ADGRL3: variants seen among roughly 807,000 people sequenced by gnomAD.
The protein encoded by ADGRL3 is adhesion G protein-coupled receptor L3.
In ADGRL3, 62 loss-of-function variants were observed where a neutral mutation model predicts 153.5. The ratio of observed to expected loss-of-function variants is 0.40; its 90% CI spans 0.33 to 0.50. The LOEUF is 0.50. Ranked by LOEUF, ADGRL3 falls within the 20% of genes least tolerant of loss-of-function variation. The pLI, the probability that ADGRL3 is intolerant of heterozygous loss-of-function variation, is 0.47. For synonymous variants in ADGRL3, 710 were observed against 672.5 expected, an observed-to-expected ratio of 1.06 and a Z score of -0.86; for missense variants, 1,641 against 1,859.4, an observed-to-expected ratio of 0.88 and a Z score of 2.16.
At chr4:61,291,581 TACATATATATATATATATATATACACAC>T (rs1172097783) in intron 1 of ADGRL3, among the ~76,000 whole-genome samples, 7 of 46,896 alleles carry the variant, frequency 1.5e-4, no homozygotes, top group African/African-American at 4.3e-4. Context: ...TATATATATA[TACATATATATATATATATATATACACAC>T]ACATATATAT....
Position 61,781,331 on chromosome 4 carries a change from C to CAAAAAAAAAAAAAAAA in ADGRL3, c.1400-32477_1400-32462dup, listed in dbSNP as rs71281828. On this transcript the variant is annotated intron_variant, in intron 8 of 26. Coordinates refer to ENST00000683033, the MANE Select transcript of ADGRL3 (RefSeq NM_001387552.1). ...GGCAAAAAGAGCAAAATTCTGCCTC[C>CAAAAAAAAAAAAAAAA]AAAAAAAAAAAAAAAAGAAAAGAAA... Among the ~76,000 whole-genome samples the CAAAAAAAAAAAAAAAA allele has an allele frequency of 5.0e-4, 32 of 64,296 alleles. 1 individual carries two copies. Among genetic ancestry groups the CAAAAAAAAAAAAAAAA allele is most frequent in the African/African-American group, 1.7e-3 (25 of 15,012 alleles). 42.2% of individuals were successfully genotyped at this position (64,296 alleles called of 152,430 possible). A position where few individuals can be genotyped will look rare whatever the true frequency, so the allele number is the denominator to read the frequency against.
intron 9 of ADGRL3, among the ~76,000 whole-genome samples, chr4:61,841,587 C>T (rs995469210): frequency 6.6e-6 from 1 of 152,080 alleles, no homozygotes; most frequent in Admixed American, 6.5e-5. Flanking sequence ...ATATTTCATA[C>T]CTGAGGACAA....
intron 8 of ADGRL3, among the ~76,000 whole-genome samples, chr4:61,736,462 C>G (rs986205368): frequency 6.6e-6 from 1 of 151,996 alleles, no homozygotes; most frequent in Non-Finnish European, 1.5e-5. Flanking sequence ...AAAAACCTAG[C>G]CTGGCCAACA....
chr4:61,495,496 G>GAAGGGA (rs1381890980), intron 2 of ADGRL3, among the ~76,000 whole-genome samples: 6 of 150,222 alleles, frequency 4.0e-5, no homozygotes, highest in Non-Finnish European at 7.4e-5. Flanking sequence ...GAAGGAAGGG[G>GAAGGGA]AAGGGAAGGG....
chr4:61,671,966 A>G (rs2095022854), intron 5 of ADGRL3, among the ~76,000 whole-genome samples: 1 of 152,132 alleles, frequency 6.6e-6, no homozygotes, highest in African/African-American at 2.4e-5. Context: ...GAAAGAAGTG[A>G]CAAATAGGTT....
intron 21 of ADGRL3, among the ~76,000 whole-genome samples, chr4:62,018,421 T>C (rs533096703): frequency 6.6e-6 from 1 of 152,170 alleles, no homozygotes; most frequent in East Asian, 1.9e-4. Context: ...TCAGTTTCAT[T>C]GAAGTAGATA....
chr4:61,867,515 CATATATATATAT>C (rs3065826), intron 9 of ADGRL3, among the ~76,000 whole-genome samples: 7 of 81,140 alleles, frequency 8.6e-5, no homozygotes, highest in African/African-American at 1.2e-4. Flanking sequence ...AATATATATG[CATATATATATAT>C]ATATATATAT....
At chr4:61,750,480 G>C (rs953292027) in intron 8 of ADGRL3, among the ~76,000 whole-genome samples, 4 of 152,174 alleles carry the variant, frequency 2.6e-5, no homozygotes, top group African/African-American at 7.2e-5. Flanking sequence ...GTAAGGAAAA[G>C]CAGGATGGAC....
intron 2 of ADGRL3, among the ~76,000 whole-genome samples, chr4:61,419,831 G>C (rs528565542): frequency 1.4e-5 from 2 of 145,164 alleles, no homozygotes; most frequent in South Asian, 4.3e-4. Context: ...TTTTGCTCTC[G>C]TCACCTAGGC....
chr4:61,847,617 A>AT (rs2098133803), intron 9 of ADGRL3, among the ~76,000 whole-genome samples: 1 of 65,420 alleles, frequency 1.5e-5, no homozygotes, highest in South Asian at 3.9e-4. Flanking sequence ...TATATTATAT[A>AT]TATAATATAA....
chr4:61,758,601 A>G (rs1167609811), intron 8 of ADGRL3, among the ~76,000 whole-genome samples: 3 of 152,178 alleles, frequency 2.0e-5, no homozygotes, highest in South Asian at 2.1e-4. Flanking sequence ...TTTCCTGAAT[A>G]CAGCACACTG....
intron 9 of ADGRL3, among the ~76,000 whole-genome samples, chr4:61,852,866 G>C (rs2098223582): frequency 6.6e-6 from 1 of 151,682 alleles, no homozygotes; most frequent in Non-Finnish European, 1.5e-5. Context: ...ACATGCAGCT[G>C]TGTTTAGAGC....
At position 61,909,587 on chromosome 4, in the gene ADGRL3, A is replaced by G; in HGVS notation, c.1915A>G (p.Ile639Val). The change falls in exon 12 of 27, where the codon ATT becomes GTT. Residue 639 changes from isoleucine (I) to valine (V), a missense_variant. By Grantham distance (29) the Ile-to-Val change is conservative. Coordinates refer to ENST00000683033, the MANE Select transcript of ADGRL3 (RefSeq NM_001387552.1). ...GAAATCTGGTGAAACAGCTGCCAAC[A>G]TTGCTAGAGAGCTGGCTGAACAGAC... ...KLKSGETAAN[I>V]ARELAEQTRN... The G allele has an allele frequency of 6.2e-7, 1 of 1,613,272 alleles. No homozygotes were observed. The highest frequency in any genetic ancestry group is 1.3e-5 in the African/African-American group (1 of 75,028).
intron 5 of ADGRL3, among the ~76,000 whole-genome samples, chr4:61,653,763 A>G (rs2094351238): frequency 6.6e-6 from 1 of 152,168 alleles, no homozygotes; most frequent in Admixed American, 6.5e-5. Flanking sequence ...CCAGATTTGG[A>G]TATCATTCAC....
chr4:61,408,733 T>A (rs537480890), intron 2 of ADGRL3, among the ~76,000 whole-genome samples: 100 of 152,262 alleles, frequency 6.6e-4, no homozygotes, highest in Admixed American at 3.9e-3. Context: ...TGCATGGTTT[T>A]AGACTAAGAT....
chr4:61,964,819 A>C (rs1262607035), intron 17 of ADGRL3, among the ~76,000 whole-genome samples: 2 of 151,990 alleles, frequency 1.3e-5, no homozygotes, highest in African/African-American at 4.8e-5. Flanking sequence ...AAGCATAATC[A>C]ATCAACCAAG....
chr4:61,482,904 T>C (rs1257216553), intron 2 of ADGRL3, among the ~76,000 whole-genome samples: 1 of 152,158 alleles, frequency 6.6e-6, no homozygotes, highest in Non-Finnish European at 1.5e-5. Context: ...AACTTAGAGA[T>C]AATTATATGA....
Position 61,948,237 on chromosome 4 carries a change from A to C in ADGRL3, c.2766A>C (p.Leu922=), listed in dbSNP as rs553685822. 6.2e-7 allele frequency: 1 copy of C among 1,613,832 alleles called. No individual in the cohort carries two copies. Among genetic ancestry groups the C allele is most frequent in the East Asian group, 2.2e-5 (1 of 44,846 alleles). The change falls in exon 17 of 27, where the codon CTA becomes CTC. Residue 922 remains leucine (L), a synonymous_variant. Transcript: ENST00000683033. The stretch of plus-strand genomic sequence containing the variant: ...ATACTACATGCTCTTGTAACCACCT[A>C]ACAAATTTTGCAGTACTGATGGCAC... ...KTHTTCSCNH[L]TNFAVLMAHV...
At chr4:61,869,583 C>T (rs542355688) in intron 9 of ADGRL3, among the ~76,000 whole-genome samples, 3 of 151,528 alleles carry the variant, frequency 2.0e-5, no homozygotes, top group Non-Finnish European at 2.9e-5. Flanking sequence ...CTGGCCTGGG[C>T]GACAGAGCGA....
Sources: gnomAD v4.1 joint callset for allele counts (sites outside exome capture counted in the v4.1 genomes callset) on GRCh38, gnomAD v4.1.1 for gene constraint, MANE v1.5 for transcripts, NCBI Gene and HGNC (gene_info 2026-07-23, HGNC 2026-07-21) for gene names.